The following SRBD1 variants were observed in gnomAD, a reference collection of about 807,000 sequenced individuals.
The protein encoded by SRBD1 is S1 RNA-binding domain-containing protein 1.
Under a neutral mutation model 115.3 loss-of-function variants are expected in SRBD1, and 88 were observed. The ratio of observed to expected loss-of-function variants is 0.76; its 90% confidence interval spans 0.64 to 0.91. The LOEUF (loss-of-function observed/expected upper bound fraction) is 0.91. Ranked by LOEUF, SRBD1 falls within the 40% of genes least tolerant of loss-of-function variation. The probability of loss-of-function intolerance (pLI) is 0.00; values close to 1 mark genes in which losing one functional copy is unlikely to be tolerated. For missense variants in SRBD1, 1,385 were observed against 1,177.4 expected (o/e 1.18, Z -2.58); for synonymous variants, 509 against 407.7 (o/e 1.25, Z -2.99).
chr2:45,571,764 G>C (rs558264310), intron 9 of SRBD1, among the ~76,000 whole-genome samples: 1 of 151,750 alleles, frequency 6.6e-6, no homozygotes, highest in Non-Finnish European at 1.5e-5. Context: ...AATGTGCCAG[G>C]GGTTCAACAG....
At chr2:45,594,283 A>G (rs550888854) in intron 4 of SRBD1, among the ~76,000 whole-genome samples, 2 of 152,280 alleles carry the variant, frequency 1.3e-5, no homozygotes, top group South Asian at 4.1e-4. Context: ...CTTGCAACAA[A>G]GGGAAAACAG....
At chr2:45,499,052 T>A (rs1435345773) in intron 14 of SRBD1, among the ~76,000 whole-genome samples, 1 of 151,918 alleles carries the variant, frequency 6.6e-6, no homozygotes, top group Non-Finnish European at 1.5e-5. Flanking sequence ...CTATTTTTAG[T>A]TTTTTTTAGG....
intron 9 of SRBD1, among the ~76,000 whole-genome samples, 195 bp downstream of exon 9, chr2:45,573,012 C>G (rs1673068093): frequency 6.6e-6 from 1 of 152,122 alleles, no homozygotes; most frequent in Non-Finnish European, 1.5e-5. Flanking sequence ...TTCTCAATGT[C>G]ACTTGTTAAC....
intron 14 of SRBD1, among the ~76,000 whole-genome samples, chr2:45,529,872 C>T (rs1671560252): frequency 6.6e-6 from 1 of 151,984 alleles, no homozygotes; most frequent in Non-Finnish European, 1.5e-5. Context: ...AAAGACAGTA[C>T]AAAGGCTTCT....
chr2:45,606,153 T>C (rs886168959), intron 1 of SRBD1, among the ~76,000 whole-genome samples: 6 of 125,506 alleles, frequency 4.8e-5, no homozygotes, highest in Admixed American at 8.9e-5. Flanking sequence ...ATTTTTTTCC[T>C]ATTCTTTTTT....
intron 15 of SRBD1, among the ~76,000 whole-genome samples, chr2:45,482,613 AAC>A (rs70937962): frequency 0.46 from 68,378 of 148,416 alleles, 15,744 homozygotes; most frequent in Non-Finnish European, 0.48. Context: ...CACAACGTTA[AAC>A]ACACACACAC....
intron 16 of SRBD1, among the ~76,000 whole-genome samples, chr2:45,463,134 T>C (rs961078626): frequency 1.3e-5 from 2 of 151,890 alleles, no homozygotes; most frequent in African/African-American, 4.8e-5. Flanking sequence ...CAACTGTCTA[T>C]AGCATAAGAT....
At chr2:45,426,889 G>T (rs1218171132) in intron 16 of SRBD1, among the ~76,000 whole-genome samples, 5 of 152,154 alleles carry the variant, frequency 3.3e-5, no homozygotes, top group Non-Finnish European at 7.3e-5. Flanking sequence ...ACAAAGATGA[G>T]GAAAAACCAG....
At chr2:45,482,898 C>A (rs556913121) in intron 15 of SRBD1, among the ~76,000 whole-genome samples, 5 of 152,148 alleles carry the variant, frequency 3.3e-5, no homozygotes, top group East Asian at 1.9e-4. Flanking sequence ...ACATTTAATA[C>A]CTAATACAAT....
rs141928207 is a variant in SRBD1, at chr2:45,598,122, G to C, written c.648+1327C>G. 1.6e-3 allele frequency among the ~76,000 whole-genome samples: 250 copies of C among 152,348 alleles called. 2 individuals carry two copies. The highest frequency in any genetic ancestry group is 5.9e-3 in the African/African-American group (245 of 41,580). On this transcript the variant is annotated intron_variant, in intron 4 of 20. Coordinates refer to ENST00000263736, the MANE Select transcript of SRBD1 (RefSeq NM_018079.5). ...CTTCAGGGTGAATCTGATGCAGGTA[G>C]TCCATGGACCACACTTTAAAACACT...
At chr2:45,512,818 A>C (rs1464686701) in intron 14 of SRBD1, among the ~76,000 whole-genome samples, 5 of 152,164 alleles carry the variant, frequency 3.3e-5, no homozygotes, top group African/African-American at 1.2e-4. Flanking sequence ...GTGTAAGTGA[A>C]TATTTTTCTT....
Position 45,581,131 on chromosome 2 carries a change from A to G in SRBD1, c.933+562T>C, listed in dbSNP as rs571943458. On this transcript the variant is annotated intron_variant, in intron 6 of 20. Coordinates refer to ENST00000263736, the MANE Select transcript of SRBD1 (RefSeq NM_018079.5). ...TATTTTTTTCAGTCTTCATTCTGCC[A>G]AACTTCTCTGCTACACATAACTGCT... is the stretch of plus-strand genomic sequence containing the variant. Among the ~76,000 whole-genome samples, 11 of 152,242 alleles carry G rather than the reference A, an allele frequency of 7.2e-5. No homozygotes were observed. The South Asian group carries it at 2.3e-3, about 32-fold the overall frequency.
chr2:45,398,717 T>C (rs915842312), intron 19 of SRBD1, among the ~76,000 whole-genome samples: 1 of 150,790 alleles, frequency 6.6e-6, no homozygotes, highest in African/African-American at 2.4e-5. Flanking sequence ...AGGATGATCA[T>C]CTTTTCAGAA....
At chr2:45,462,174 A>T (rs1669337134) in intron 16 of SRBD1, among the ~76,000 whole-genome samples, 1 of 152,220 alleles carries the variant, frequency 6.6e-6, no homozygotes, top group African/African-American at 2.4e-5. Context: ...GCAGCGAATC[A>T]CGCTGTGGTT....
intron 4 of SRBD1, 110 bp downstream of exon 4, chr2:45,599,337 CTG>C: frequency 1.4e-6 from 2 of 1,439,422 alleles, no homozygotes; most frequent in East Asian, 4.6e-5. Flanking sequence ...ACTGGCAAAA[CTG>C]AAGAGAGAAT....
chr2:45,453,390 C>T (rs1314416438), intron 16 of SRBD1, among the ~76,000 whole-genome samples: 3 of 151,742 alleles, frequency 2.0e-5, no homozygotes, highest in South Asian at 2.1e-4. Flanking sequence ...TTAGCTAGAA[C>T]AGTCTATTTC....
At chr2:45,459,904 G>C (rs986184023) in intron 16 of SRBD1, among the ~76,000 whole-genome samples, 3 of 152,012 alleles carry the variant, frequency 2.0e-5, no homozygotes, top group South Asian at 2.1e-4. Context: ...TTTAAAGCAG[G>C]CTCCTGTCTA....
chr2:45,417,072 T>A (rs749009284), intron 18 of SRBD1, among the ~76,000 whole-genome samples: 1 of 152,226 alleles, frequency 6.6e-6, no homozygotes, highest in Non-Finnish European at 1.5e-5. Flanking sequence ...TCAAAGAACA[T>A]ATAAACTAAC....
At chr2:45,404,062 G>A (rs1004982018) in intron 19 of SRBD1, among the ~76,000 whole-genome samples, 16 of 152,178 alleles carry the variant, frequency 1.1e-4, no homozygotes, top group Non-Finnish European at 2.1e-4. Flanking sequence ...CCATAACAGA[G>A]GTAAGAAATT....
Sources: gnomAD v4.1 joint callset for allele counts (sites outside exome capture counted in the v4.1 genomes callset) on GRCh38, gnomAD v4.1.1 for gene constraint, MANE v1.5 for transcripts, NCBI Gene and HGNC (gene_info 2026-07-23, HGNC 2026-07-21) for gene names.